The following EPB41L1 variants were observed in gnomAD, a reference collection of about 807,000 sequenced individuals.
EPB41L1 encodes erythrocyte membrane protein band 4.1 like 1, also known as band 4.1-like protein 1.
EPB41L1 carries 29 observed loss-of-function variants against 97.8 expected under a neutral mutation model. That is an observed-to-expected ratio of 0.30 (90% CI 0.22 to 0.40). The LOEUF (loss-of-function observed/expected upper bound fraction) is 0.40, where lower values mean the gene tolerates loss of function less well. Ranked by LOEUF, EPB41L1 falls within the 10% of genes least tolerant of loss-of-function variation. The pLI, the probability that EPB41L1 is intolerant of heterozygous loss-of-function variation, is 1.00. For synonymous variants in EPB41L1, 383 were observed against 459.2 expected (o/e 0.83, Z 2.12); for missense variants, 812 against 1,162.3 (o/e 0.70, Z 4.38).
rs1569311789 is a variant in EPB41L1, at chr20:36,205,773, A to G, written c.1669-3715A>G. ...TTCAGTGGTAGATTGGTCCCCTCTTACAAAGGGAAAAACTCACCCATTCTT... is the reference window on the plus strand; with the variant it reads ...TTCAGTGGTAGATTGGTCCCCTCTTGCAAAGGGAAAAACTCACCCATTCTT... On this transcript the variant is annotated intron_variant, in intron 14 of 21. Coordinates refer to ENST00000338074, the MANE Select transcript of EPB41L1 (RefSeq NM_012156.2). 4.9e-6 allele frequency: 6 copies of G among 1,213,956 alleles called. No homozygotes were observed. The South Asian group carries it at 7.3e-5, about 15-fold the overall frequency. 75.2% of individuals were successfully genotyped at this position (1,213,956 alleles called of 1,614,324 possible).
intron 2 of EPB41L1, among the ~76,000 whole-genome samples, chr20:36,129,487 A>G (rs989057581): frequency 6.6e-6 from 1 of 152,064 alleles, no homozygotes; most frequent in Non-Finnish European, 1.5e-5. Flanking sequence ...CCTGGTTTGC[A>G]TTATGAATGC....
chr20:36,177,604 C>A (rs1219976470), intron 3 of EPB41L1, among the ~76,000 whole-genome samples: 1 of 152,214 alleles, frequency 6.6e-6, no homozygotes, highest in African/African-American at 2.4e-5. Context: ...ACTTGCTTTT[C>A]TGCCCCTTCG....
chr20:36,096,067 C>T (rs369304386), intron 1 of EPB41L1, among the ~76,000 whole-genome samples: 190 of 152,118 alleles, frequency 1.2e-3, no homozygotes, highest in African/African-American at 4.3e-3. Context: ...TTGGTTCTCA[C>T]GCCAGACCTA....
chr20:36,184,330 C>CT (rs1018003163), intron 6 of EPB41L1, among the ~76,000 whole-genome samples: 5 of 151,746 alleles, frequency 3.3e-5, no homozygotes, highest in African/African-American at 7.3e-5. Context: ...AAAAATGAAA[C>CT]TTTTTTTTAA....
chr20:36,202,338 C>T (rs1198369147), intron 14 of EPB41L1, among the ~76,000 whole-genome samples: 1 of 152,256 alleles, frequency 6.6e-6, no homozygotes, highest in South Asian at 2.1e-4. Context: ...CTGTAGGTCT[C>T]ATTCTGCCCG....
In EPB41L1 at chr20:36,173,827, A is replaced by C; in HGVS notation, c.50A>C (p.Glu17Ala). ...PDSEVKKAQE[E>A]APQQPEAAAA... Reference sequence around the variant, plus strand: ...TCTGAGGTGAAGAAAGCTCAGGAGGAGGCCCCGCAGCAGCCCGAGGCTGCT... The same window carrying C: ...TCTGAGGTGAAGAAAGCTCAGGAGGCGGCCCCGCAGCAGCCCGAGGCTGCT... The change falls in exon 2 of 22, where the codon GAG becomes GCG. Residue 17 changes from glutamate to alanine, a missense_variant. By Grantham distance (107) the Glu-to-Ala change is moderately radical. Coordinates refer to ENST00000338074, the MANE Select transcript of EPB41L1 (RefSeq NM_012156.2). 1 of 1,613,952 alleles carries C rather than the reference A, an allele frequency of 6.2e-7. No individual in the cohort carries two copies. Among genetic ancestry groups the C allele is most frequent in the Non-Finnish European group, 8.5e-7 (1 of 1,179,926 alleles).
At chr20:36,157,295 T>C (rs553912599) in intron 1 of EPB41L1, among the ~76,000 whole-genome samples, 161 of 152,212 alleles carry the variant, frequency 1.1e-3, no homozygotes, top group Non-Finnish European at 1.6e-3. Flanking sequence ...ACAATCAAAG[T>C]GATAGTATTT....
In EPB41L1 at chr20:36,135,679, C is replaced by T. The variant is rs6060813; in HGVS notation, c.-10+23199C>T. On this transcript the variant is annotated intron_variant, in intron 2 of 19. Coordinates refer to the EPB41L1 transcript ENST00000202028. ...CTCTGGCCACCCTGGAGGTCTCCCA[C>T]GCATAGCTCTTAGCTTAGGCCTTTG... 3.1e-3 allele frequency among the ~76,000 whole-genome samples: 477 copies of T among 152,352 alleles called. 7 individuals are homozygous for T. Among genetic ancestry groups the T allele is most frequent in the African/African-American group, 0.011 (448 of 41,578 alleles).
chr20:36,229,013 G>A (rs1251965816), intron 21 of EPB41L1, among the ~76,000 whole-genome samples: 1 of 151,952 alleles, frequency 6.6e-6, no homozygotes, highest in Non-Finnish European at 1.5e-5. Flanking sequence ...ATGTGGGTTC[G>A]GTTCTCTGCT....
intron 14 of EPB41L1, chr20:36,201,022 G>C (rs1033077997): frequency 4.4e-6 from 2 of 455,822 alleles, no homozygotes; most frequent in African/African-American, 4.0e-5. Flanking sequence ...TGCCCACCCA[G>C]AACCACCCTC....
At chr20:36,211,989 T>A (rs2063158664) in intron 15 of EPB41L1, among the ~76,000 whole-genome samples, 1 of 152,170 alleles carries the variant, frequency 6.6e-6, no homozygotes, top group African/African-American at 2.4e-5. Context: ...TGGTAGATGT[T>A]CTAATAGTAG....
chr20:36,204,589 A>G (rs572449663), intron 14 of EPB41L1, among the ~76,000 whole-genome samples: 2 of 150,544 alleles, frequency 1.3e-5, no homozygotes, highest in South Asian at 2.1e-4. Flanking sequence ...GGTCCAAGCA[A>G]TTCTCCTGCC....
At chr20:36,142,040 C>T (rs765583072) in intron 2 of EPB41L1, among the ~76,000 whole-genome samples, 1 of 148,348 alleles carries the variant, frequency 6.7e-6, no homozygotes, top group Non-Finnish European at 1.5e-5. Context: ...ACCCAGGAGG[C>T]GGAGGTTGCA....
At chr20:36,222,079 AC>A (rs1356905192) in intron 20 of EPB41L1, 135 bp downstream of exon 20, 20 of 1,083,006 alleles carry the variant, frequency 1.8e-5, no homozygotes, top group Admixed American at 1.7e-4. Flanking sequence ...CAGATAAGAA[AC>A]CCCCAAGAGA....
chr20:36,137,171 C>T (rs1242235474), intron 2 of EPB41L1, among the ~76,000 whole-genome samples: 1 of 150,248 alleles, frequency 6.7e-6, no homozygotes, highest in African/African-American at 2.5e-5. Context: ...GCCTCCTGGG[C>T]TCAAGGGATA....
chr20:36,232,282 T>C lies in EPB41L1; in HGVS notation c.*2942T>C, dbSNP rs1179284341. On this transcript the variant is annotated 3_prime_UTR_variant, in exon 22 of 22. Coordinates refer to ENST00000338074, the MANE Select transcript of EPB41L1 (RefSeq NM_012156.2). ...TGCCACCTCTCCACCCAGGAGGCCA[T>C]GTAGCATAGTGGAAAAAGTCCCTGA... is the stretch of plus-strand genomic sequence containing the variant. 5 of 250,452 alleles carry C rather than the reference T, an allele frequency of 2.0e-5. No homozygotes were observed. The highest frequency in any genetic ancestry group is 2.2e-3 in the Middle Eastern group (2 of 892). The allele number at this position is 250,452 out of a possible 1,614,324, so 15.5% of individuals were successfully genotyped here. A position where few individuals can be genotyped will look rare whatever the true frequency, so the allele number is the denominator to read the frequency against.
chr20:36,135,356 C>T (rs1441850126), intron 2 of EPB41L1, among the ~76,000 whole-genome samples: 2 of 152,132 alleles, frequency 1.3e-5, no homozygotes, highest in Non-Finnish European at 2.9e-5. Context: ...TGGGATTCTG[C>T]CTCCAGAGCC....
At chr20:36,137,472 C>T (rs577117179) in intron 2 of EPB41L1, among the ~76,000 whole-genome samples, 1 of 152,314 alleles carries the variant, frequency 6.6e-6, no homozygotes, top group African/African-American at 2.4e-5. Context: ...CCTCCTGCCT[C>T]AGCCTCCCAT....
intron 1 of EPB41L1, among the ~76,000 whole-genome samples, chr20:36,162,508 G>A (rs1323081512): frequency 6.6e-6 from 1 of 152,134 alleles, no homozygotes; most frequent in Non-Finnish European, 1.5e-5. Flanking sequence ...TGGGAAATAA[G>A]CTCACCTACT....
Sources: allele counts gnomAD v4.1 joint callset (sites outside exome capture counted in the v4.1 genomes callset), GRCh38; gene constraint gnomAD v4.1.1; transcripts MANE v1.5; gene names NCBI Gene and HGNC (gene_info 2026-07-23, HGNC 2026-07-21).